The following RPTOR variants were observed in gnomAD, a reference collection of about 807,000 sequenced individuals.
RPTOR encodes regulatory-associated protein of mTOR.
A neutral mutation model predicts 169.9 loss-of-function variants in RPTOR; 21 were observed. The ratio of observed to expected loss-of-function variants is 0.12; its 90% CI spans 0.09 to 0.18. The LOEUF (loss-of-function observed/expected upper bound fraction) is 0.18. Ranked by LOEUF, RPTOR falls within the 10% of genes least tolerant of loss-of-function variation. The probability of loss-of-function intolerance (pLI) is 1.00; values close to 1 mark genes in which losing one functional copy is unlikely to be tolerated. For synonymous variants in RPTOR, 732 were observed against 753.2 expected (o/e 0.97, Z 0.46); for missense variants, 1,133 against 1,855.9 (o/e 0.61, Z 7.16).
At chr17:80,690,712 A>G (rs1362133104) in intron 3 of RPTOR, among the ~76,000 whole-genome samples, 1 of 151,854 alleles carries the variant, frequency 6.6e-6, no homozygotes, top group Non-Finnish European at 1.5e-5. Flanking sequence ...AGGATATCTG[A>G]TAGTCCCTCT....
chr17:80,736,407 C>A (rs12952097), intron 5 of RPTOR, among the ~76,000 whole-genome samples: 26,898 of 152,138 alleles, frequency 0.18, 2,817 homozygotes, highest in East Asian at 0.24. Flanking sequence ...GGTCCACAGC[C>A]TCCCCAAGGC....
Position 80,922,131 on chromosome 17 carries a change from T to G in RPTOR, c.2521-593T>G, listed in dbSNP as rs917022413. 3.9e-5 allele frequency among the ~76,000 whole-genome samples: 6 copies of G among 152,200 alleles called. No homozygotes were observed. The South Asian group carries it at 6.2e-4, about 16-fold the overall frequency. ...AGTGGCCTGCGTGGAGGCCTCAGGC[T>G]GCTGGTGGCTTTCCACCCCGTGCCC... On this transcript the variant is annotated intron_variant, in intron 21 of 33. Transcript: ENST00000306801.
At chr17:80,783,624 G>T (rs2066962486) in intron 6 of RPTOR, among the ~76,000 whole-genome samples, 2 of 152,216 alleles carry the variant, frequency 1.3e-5, no homozygotes, top group Admixed American at 1.3e-4. Context: ...CATCCAGCAG[G>T]CGCCTAAGGG....
intron 21 of RPTOR, among the ~76,000 whole-genome samples, chr17:80,910,899 C>G (rs564522607): frequency 1.3e-5 from 2 of 150,352 alleles, no homozygotes; most frequent in South Asian, 2.1e-4. Context: ...GGCACAATCT[C>G]AGCTCACTGC....
At chr17:80,859,675 G>A (rs956262266) in intron 13 of RPTOR, among the ~76,000 whole-genome samples, 4 of 152,226 alleles carry the variant, frequency 2.6e-5, no homozygotes, top group African/African-American at 9.7e-5. Flanking sequence ...GCCTGTAGGA[G>A]CAGGTCCACG....
intron 9 of RPTOR, among the ~76,000 whole-genome samples, chr17:80,825,740 C>T (rs1297407492): frequency 6.6e-6 from 1 of 152,240 alleles, no homozygotes; most frequent in African/African-American, 2.4e-5. Context: ...TTTCTCCTCT[C>T]CTGGTTCTGA....
chr17:80,778,599 C>G (rs2066911871), intron 6 of RPTOR, among the ~76,000 whole-genome samples: 1 of 152,144 alleles, frequency 6.6e-6, no homozygotes, highest in Admixed American at 6.5e-5. Flanking sequence ...GAGTTTGAGA[C>G]CAGCCTGGGC....
At chr17:80,884,578 C>T (rs919890598) in intron 16 of RPTOR, among the ~76,000 whole-genome samples, 1 of 152,212 alleles carries the variant, frequency 6.6e-6, no homozygotes, top group African/African-American at 2.4e-5. Context: ...AGCACAGTGT[C>T]GCTCCCCTGG....
At chr17:80,580,537 G>A (rs983758065) in intron 1 of RPTOR, among the ~76,000 whole-genome samples, 3 of 152,124 alleles carry the variant, frequency 2.0e-5, no homozygotes, top group Admixed American at 1.3e-4. Context: ...TTTTACATAT[G>A]TTTATGGGTC....
At position 80,730,464 on chromosome 17, in the gene RPTOR, G is replaced by T. The variant is rs1162281744; in HGVS notation, c.508-96G>T. On this transcript the variant is annotated intron_variant, in intron 4 of 33. Coordinates refer to ENST00000306801, the MANE Select transcript of RPTOR (RefSeq NM_020761.3). This position sits in a 1 kb window ranked among gnomAD's most constrained non-coding sequence, Gnocchi z 4.2. ...AACTCAGCGTCTCTCCAGCCACCAGGCTCAATGTGTGTGCCTTTTGTAACG... is the reference window on the plus strand; with the variant it reads ...AACTCAGCGTCTCTCCAGCCACCAGTCTCAATGTGTGTGCCTTTTGTAACG... The T allele has an allele frequency of 1.4e-6, 2 of 1,398,292 alleles. No individual in the cohort carries two copies. The highest frequency in any genetic ancestry group is 1.8e-5 in the Admixed American group (1 of 56,788). 86.6% of individuals were successfully genotyped at this position (1,398,292 alleles called of 1,614,324 possible). A position where few individuals can be genotyped will look rare whatever the true frequency, so the allele number is the denominator to read the frequency against.
intron 5 of RPTOR, among the ~76,000 whole-genome samples, chr17:80,742,693 AC>A (rs2066495249): frequency 3.3e-5 from 1 of 30,670 alleles, no homozygotes. Flanking sequence ...ACACAGAGAC[AC>A]ACATAGACAC....
rs768178008 is a variant in RPTOR, at chr17:80,923,519, G to A, written c.2654G>A (p.Ser885Asn). 1 of 1,613,380 alleles carries A rather than the reference G, an allele frequency of 6.2e-7. No individual in the cohort carries two copies. The highest frequency in any genetic ancestry group is 8.5e-7 in the Non-Finnish European group (1 of 1,179,990). Residue 885 changes from serine (S) to asparagine (N), a missense_variant, in exon 23 of 34, where the codon AGC (serine) becomes AAC (asparagine). By Grantham distance (46) the Ser-to-Asn change is conservative (BLOSUM62 1). Transcript: ENST00000306801. Reference protein sequence around the residue: ...GGSPPASSTSSSSLTNDVAKQ... With the variant: ...GGSPPASSTSNSSLTNDVAKQ... ...TCCCCTCCGGCGTCCAGCACCAGCA[G>A]CTCCAGCCTGACCAACGATGTGGCC...
intron 3 of RPTOR, among the ~76,000 whole-genome samples, chr17:80,664,209 A>G (rs746745139): frequency 1.3e-5 from 2 of 152,192 alleles, no homozygotes; most frequent in Non-Finnish European, 2.9e-5. Flanking sequence ...CTGGGCTTCC[A>G]GACTCCTGAA....
rs1464293514 is a variant in RPTOR at position 80,947,635 on chromosome 17, C to T, written c.3265+284C>T. Among the ~76,000 whole-genome samples the T allele has an allele frequency of 6.6e-6, 1 of 152,200 alleles. No individual in the cohort carries two copies. The highest frequency in any genetic ancestry group is 2.4e-5 in the African/African-American group (1 of 41,460). On this transcript the variant is annotated intron_variant, in intron 27 of 33. Transcript: ENST00000306801. This position sits in a 1 kb window ranked among gnomAD's most constrained non-coding sequence, Gnocchi z 4.4. The stretch of plus-strand genomic sequence containing the variant: ...AGGAAAAGCCTCTGACAGCCTCTGT[C>T]CTTAAACCCCTGTGAGAGACCCGGT...
In RPTOR at chr17:80,960,062, C is replaced by T. The variant is rs765693782; in HGVS notation, c.3478-16C>T. On this transcript the variant is annotated splice_polypyrimidine_tract_variant and intron_variant, in intron 29 of 33. Transcript: ENST00000306801. The surrounding 1 kb of genome is among the most constrained non-coding windows in gnomAD (Gnocchi z 4.8). ...GGTGCCCCGGTCTTCACCGGGCTGC[C>T]TGTGTTTGGCTCTAGGACATCCCTA... The T allele has an allele frequency of 1.9e-6, 3 of 1,612,810 alleles. No individual in the cohort carries two copies. Among genetic ancestry groups the T allele is most frequent in the East Asian group, 4.5e-5 (2 of 44,860 alleles).
intron 7 of RPTOR, among the ~76,000 whole-genome samples, chr17:80,809,835 G>A (rs1044496542): frequency 3.3e-5 from 5 of 152,058 alleles, no homozygotes; most frequent in East Asian, 3.9e-4. Context: ...TCAGGAGATC[G>A]AGACCATCCT....
Position 80,609,251 on chromosome 17 carries a change from C to T in RPTOR, c.163-16440C>T, listed in dbSNP as rs915202622. ...CCACAGAATTCTGCACTGTGAGCAG[C>T]GCAGGTCGGAAGAGGCATTTGGAAA... On this transcript the variant is annotated intron_variant, in intron 1 of 33. Transcript: ENST00000306801. The surrounding 1 kb of genome is among the most constrained non-coding windows in gnomAD (Gnocchi z 4.8). 5.3e-5 allele frequency among the ~76,000 whole-genome samples: 8 copies of T among 152,158 alleles called. No homozygotes were observed. The highest frequency in any genetic ancestry group is 1.9e-4 in the African/African-American group (8 of 41,438).
intron 23 of RPTOR, chr17:80,923,998 A>G: frequency 2.6e-6 from 1 of 380,792 alleles, no homozygotes; most frequent in Middle Eastern, 6.6e-4. Flanking sequence ...CCATGTAACG[A>G]AACAGGAGCA....
chr17:80,817,958 G>A lies in RPTOR; in HGVS notation c.891-4243G>A, dbSNP rs576433010. On this transcript the variant is annotated intron_variant, in intron 7 of 33. Coordinates refer to ENST00000306801, the MANE Select transcript of RPTOR (RefSeq NM_020761.3). ...ATGATGACCTGGATGTTGCAGTAAG[G>A]AAGATAAATCCTGGCAAGAAACCGC... Among the ~76,000 whole-genome samples, 4 of 152,320 alleles carry A rather than the reference G, an allele frequency of 2.6e-5. No individual in the cohort carries two copies. In the South Asian group the frequency reaches 6.2e-4, roughly 24 times the overall value.
Sources: allele counts gnomAD v4.1 joint callset (sites outside exome capture counted in the v4.1 genomes callset), GRCh38; gene constraint gnomAD v4.1.1; non-coding constraint Gnocchi (gnomAD v3.1); transcripts MANE v1.5; gene names NCBI Gene and HGNC (gene_info 2026-07-23, HGNC 2026-07-21).